Variants in DCLRE1C observed in about 807,000 individuals in gnomAD.
DCLRE1C encodes DNA cross-link repair 1C.
A neutral mutation model predicts 61.4 loss-of-function variants in DCLRE1C; 47 were observed. That is an observed-to-expected ratio of 0.77 (90% confidence interval 0.61 to 0.98). DCLRE1C has a LOEUF of 0.98. DCLRE1C is among the 50% of genes least tolerant of loss of function. The pLI is 0.00. For missense variants in DCLRE1C, 858 were observed against 816.0 expected, an observed-to-expected ratio of 1.05 and a Z score of -0.63; for synonymous variants, 337 against 287.6, an observed-to-expected ratio of 1.17 and a Z score of -1.74.
chr10:14,923,173 C>A, intron 11 of DCLRE1C, 104 bp from the exon 12 acceptor site: 2 of 879,262 alleles, frequency 2.3e-6, no homozygotes, highest in Non-Finnish European at 3.7e-6. Context: ...TCTCTTATGG[C>A]TGTGGTTCTC....
At chr10:14,913,290 C>CA (rs1835601966) in intron 13 of DCLRE1C, among the ~76,000 whole-genome samples, 1 of 152,040 alleles carries the variant, frequency 6.6e-6, no homozygotes, top group Admixed American at 6.6e-5. Context: ...TTTTGGGTAA[C>CA]AAAAAATGTT....
At chr10:14,948,916 A>G in intron 2 of DCLRE1C, 120 bp downstream of exon 2, 1 of 750,478 alleles carries the variant, frequency 1.3e-6, no homozygotes, top group Non-Finnish European at 2.3e-6. Flanking sequence ...CTATTTCTTA[A>G]TCTGGGTGAT....
intron 5 of DCLRE1C, among the ~76,000 whole-genome samples, 181 bp downstream of exon 5, chr10:14,936,357 A>C (rs1388782828): frequency 9.8e-5 from 14 of 142,640 alleles, no homozygotes; most frequent in African/African-American, 2.9e-4. Flanking sequence ...AAAAAAACTC[A>C]CTGCAGCCTC....
intron 2 of DCLRE1C, 96 bp from the exon 3 acceptor site, chr10:14,945,285 T>G: frequency 1.4e-6 from 2 of 1,426,252 alleles, no homozygotes; most frequent in East Asian, 2.6e-5. Flanking sequence ...ATAATTTCAT[T>G]TGAGACCAGT....
In DCLRE1C at chr10:14,923,000, T is replaced by G. The variant is rs1450812859; in HGVS notation, c.1042A>C (p.Met348Leu). ...ACTCACATTTCGACAACTTTATCCATAGTTGTGCCAACTGGAATGACATTT... is the reference window on the plus strand; with the variant it reads ...ACTCACATTTCGACAACTTTATCCAGAGTTGTGCCAACTGGAATGACATTT... Reference protein sequence around the residue: ...YPNVIPVGTTMDKVVEILKPL... With the variant: ...YPNVIPVGTTLDKVVEILKPL... Residue 348 changes from methionine to leucine, a missense_variant, in exon 12 of 14, where the codon ATG becomes CTG. Coordinates refer to ENST00000378278, the MANE Select transcript of DCLRE1C (RefSeq NM_001033855.3). The G allele has an allele frequency of 6.2e-7, 1 of 1,613,824 alleles. No individual in the cohort carries two copies. Among genetic ancestry groups the G allele is most frequent in the Non-Finnish European group, 8.5e-7 (1 of 1,179,782 alleles).
chr10:14,898,578 T>A (rs1833768357), exon 14 of DCLRE1C: 1 of 152,228 alleles, frequency 6.6e-6, no homozygotes, highest in South Asian at 2.1e-4. Context: ...CAAGATCTTG[T>A]ATAATCAAAT....
Position 14,936,525 on chromosome 10 carries a change from A to G in DCLRE1C, c.362+13T>C. ...TACATATAATAAAATGACAAAATAA[A>G]TGACCCCCTTACATAACTGATCCCG... On this transcript the variant is annotated intron_variant, in intron 5 of 13. Transcript: ENST00000378278. 1 of 1,606,336 alleles carries G rather than the reference A, an allele frequency of 6.2e-7. No homozygotes were observed. The highest frequency in any genetic ancestry group is 2.2e-5 in the East Asian group (1 of 44,826).
At chr10:14,915,091 A>G (rs1336093337) in intron 13 of DCLRE1C, among the ~76,000 whole-genome samples, 3 of 152,036 alleles carry the variant, frequency 2.0e-5, no homozygotes, top group African/African-American at 4.8e-5. Context: ...GTCAAAGGAA[A>G]AATTTAAAAA....
intron 1 of DCLRE1C, among the ~76,000 whole-genome samples, chr10:14,951,532 A>T (rs1428728030): frequency 1.3e-5 from 2 of 151,740 alleles, no homozygotes; most frequent in Non-Finnish European, 2.9e-5. Context: ...GTTGGCCTTC[A>T]CACCAGCGCT....
intron 9 of DCLRE1C, among the ~76,000 whole-genome samples, chr10:14,929,759 T>C (rs1838665991): frequency 1.3e-5 from 2 of 152,190 alleles, no homozygotes; most frequent in Non-Finnish European, 2.9e-5. Flanking sequence ...CCAAAGTCAT[T>C]ATTTTGAAAT....
rs897665122 is a variant in DCLRE1C at position 14,934,607 on chromosome 10, C to G, written c.538-87G>C. 3.7e-6 allele frequency: 6 copies of G among 1,612,982 alleles called. No individual in the cohort carries two copies. In the African/African-American group the frequency reaches 8.0e-5, roughly 22 times the overall value. ...CAACAGTCCCAGGTACTCACACCTA[C>G]GGGGACAGTTAGGATATGACCTGTC... On this transcript the variant is annotated intron_variant, in intron 7 of 13. Transcript: ENST00000378278.
intron 2 of DCLRE1C, chr10:14,945,514 G>T: frequency 8.9e-7 from 1 of 1,124,072 alleles, no homozygotes; most frequent in Non-Finnish European, 1.1e-6. Context: ...TCCAACAGTG[G>T]TCCCTCACCA....
At chr10:14,947,041 A>G (rs772419366) in intron 2 of DCLRE1C, among the ~76,000 whole-genome samples, 1 of 151,834 alleles carries the variant, frequency 6.6e-6, no homozygotes, top group South Asian at 2.1e-4. Context: ...GTGAAACCCC[A>G]TCTCTACTGA....
At chr10:14,954,290 A>C, upstream of DCLRE1C, 2 of 537,850 alleles carry the variant, frequency 3.7e-6, no homozygotes, top group South Asian at 2.0e-5. Flanking sequence ...CCCAACAAAC[A>C]CAGGTGTTGC....
At chr10:14,921,150 C>A (rs1837041765) in intron 12 of DCLRE1C, among the ~76,000 whole-genome samples, 1 of 152,060 alleles carries the variant, frequency 6.6e-6, no homozygotes, top group Non-Finnish European at 1.5e-5. Context: ...GAAACCCCGT[C>A]TCTACTAAAA....
At chr10:14,901,136 G>T, downstream of DCLRE1C, 2 of 1,613,706 alleles carry the variant, frequency 1.2e-6, no homozygotes, top group South Asian at 2.2e-5. Flanking sequence ...TTTTTAGTGT[G>T]ACCCAAATCT....
chr10:14,904,533 T>C (rs1564350774), downstream of DCLRE1C, among the ~76,000 whole-genome samples: 1 of 152,066 alleles, frequency 6.6e-6, no homozygotes, highest in Non-Finnish European at 1.5e-5. Context: ...TCTAGTTATT[T>C]GATCTTGTCC....
At chr10:14,949,152 A>T in intron 1 of DCLRE1C, 65 bp from the exon 2 acceptor site, 1 of 1,131,112 alleles carries the variant, frequency 8.8e-7, no homozygotes, top group Non-Finnish European at 1.3e-6. Flanking sequence ...CCCAAGGGAA[A>T]CAGTCGTCTT....
intron 12 of DCLRE1C, among the ~76,000 whole-genome samples, chr10:14,922,025 T>C (rs1459478386): frequency 6.6e-6 from 1 of 152,232 alleles, no homozygotes; most frequent in East Asian, 1.9e-4. Flanking sequence ...TCTGCACCCA[T>C]TGAGCTTGTG....
Sources: allele counts gnomAD v4.1 joint callset (sites outside exome capture counted in the v4.1 genomes callset), GRCh38; gene constraint gnomAD v4.1.1; transcripts MANE v1.5; gene names NCBI Gene and HGNC (gene_info 2026-07-23, HGNC 2026-07-21).